The following BIRC6 variants were observed in gnomAD, a reference collection of about 807,000 sequenced individuals.
The protein encoded by BIRC6 is baculoviral IAP repeat containing 6, also known as dual E2 ubiquitin-conjugating enzyme/E3 ubiquitin-protein ligase BIRC6.
A neutral mutation model predicts 503.3 loss-of-function variants in BIRC6; 98 were observed. The observed-to-expected ratio is 0.19, with a 90% CI of 0.17 to 0.23. The LOEUF (loss-of-function observed/expected upper bound fraction) is 0.23. Among genes scored for constraint, BIRC6 ranks in the 10% least tolerant of loss-of-function variants. BIRC6 has a pLI of 1.00. For missense variants in BIRC6, 5,360 were observed against 5,806.0 expected, an observed-to-expected ratio of 0.92 and a Z score of 2.50; for synonymous variants, 2,240 against 2,078.7, an observed-to-expected ratio of 1.08 and a Z score of -2.11.
chr2:32,449,674 G>A (rs1370808016), intron 22 of BIRC6, among the ~76,000 whole-genome samples: 1 of 152,100 alleles, frequency 6.6e-6, no homozygotes. Flanking sequence ...CTTATGAGGT[G>A]TAATAAAAGC....
At chr2:32,372,059 C>T (rs1156278897) in intron 1 of BIRC6, among the ~76,000 whole-genome samples, 9 of 152,172 alleles carry the variant, frequency 5.9e-5, no homozygotes, top group Admixed American at 5.9e-4. Flanking sequence ...CCCGCCTCGG[C>T]CTCTTGAAGT....
intron 3 of BIRC6, among the ~76,000 whole-genome samples, chr2:32,384,807 G>A (rs541702706): frequency 3.3e-5 from 5 of 152,196 alleles, no homozygotes; most frequent in Non-Finnish European, 7.3e-5. Context: ...TGGAGTGCCC[G>A]TGGAGAGAGG....
chr2:32,477,278 T>C (rs1338547909), intron 34 of BIRC6, 90 bp from the exon 35 acceptor site: 1 of 1,324,156 alleles, frequency 7.6e-7, no homozygotes, highest in East Asian at 2.3e-5. Context: ...AGTTGTAATA[T>C]GGAGTGGATA....
intron 1 of BIRC6, among the ~76,000 whole-genome samples, chr2:32,375,574 A>G (rs987699576): frequency 2.0e-5 from 3 of 152,140 alleles, no homozygotes; most frequent in Non-Finnish European, 2.9e-5. Context: ...GGCATGAGCC[A>G]CCATGCCAGG....
intron 68 of BIRC6, 126 bp downstream of exon 68, chr2:32,595,270 A>G (rs866831565): frequency 1.7e-5 from 10 of 583,818 alleles, no homozygotes; most frequent in Middle Eastern, 9.5e-4. Context: ...TACTTCATAC[A>G]TATCAACATT....
intron 51 of BIRC6, among the ~76,000 whole-genome samples, chr2:32,508,806 C>T (rs749686182): frequency 6.6e-6 from 1 of 152,082 alleles, no homozygotes; most frequent in Non-Finnish European, 1.5e-5. Flanking sequence ...AATTTAAGGC[C>T]TGGCTCAGTG....
chr2:32,420,950 T>G lies in BIRC6; in HGVS notation c.2872+4787T>G, dbSNP rs1574083965. Among the ~76,000 whole-genome samples, 4 of 151,866 alleles carry G rather than the reference T, an allele frequency of 2.6e-5. 1 individual carries two copies. The South Asian group carries it at 8.3e-4, about 32-fold the overall frequency. ...TCTGTTTTATTGATTTTTTTTTTTT[T>G]TTTCAGAACAACCAGCTTCTGATTT... On this transcript the variant is annotated intron_variant, in intron 10 of 73. Coordinates refer to ENST00000421745, the MANE Select transcript of BIRC6 (RefSeq NM_016252.4).
chr2:32,411,978 C>T (rs1280952452), intron 9 of BIRC6, among the ~76,000 whole-genome samples: 2 of 152,120 alleles, frequency 1.3e-5, no homozygotes, highest in Admixed American at 6.6e-5. Context: ...CGGGGTTTTA[C>T]TGTGTTGCTG....
chr2:32,377,645 T>A lies in BIRC6; in HGVS notation c.383T>A (p.Phe128Tyr). The change falls in exon 2 of 74, where the codon TTT becomes TAT. Residue 128 changes from phenylalanine to tyrosine, a missense_variant. By Grantham distance (22) the Phe-to-Tyr change is conservative. Around this residue, in one of 16 missense-constraint regions of BIRC6, gnomAD observed 47 missense variants for 93.3 expected, o/e 0.50. Coordinates refer to ENST00000421745, the MANE Select transcript of BIRC6 (RefSeq NM_016252.4). ...ATCTCTGCTGTGGATAAAGTTATAT[T>A]TGTGGATGATTATGCAGTAGGGTGT... ...QYISAVDKVI[F>Y]VDDYAVGCRK... 6.2e-7 allele frequency: 1 copy of A among 1,613,456 alleles called. No homozygotes were observed. The highest frequency in any genetic ancestry group is 1.1e-5 in the South Asian group (1 of 91,018).
At chr2:32,615,021 G>A (rs1245237347) in intron 73 of BIRC6, among the ~76,000 whole-genome samples, 2 of 152,154 alleles carry the variant, frequency 1.3e-5, no homozygotes, top group Non-Finnish European at 2.9e-5. Flanking sequence ...CATTTACTCT[G>A]CTTCTGTAGA....
At chr2:32,616,352 G>A (rs2063236805) in intron 73 of BIRC6, among the ~76,000 whole-genome samples, 2 of 151,716 alleles carry the variant, frequency 1.3e-5, no homozygotes, top group Admixed American at 1.3e-4. Context: ...GAGATTAGGA[G>A]TTCGAGACCA....
intron 24 of BIRC6, among the ~76,000 whole-genome samples, chr2:32,463,986 G>A (rs1436712162): frequency 6.6e-6 from 1 of 152,156 alleles, no homozygotes; most frequent in Non-Finnish European, 1.5e-5. Flanking sequence ...TAGGTTGCAT[G>A]TTCCTTATGA....
intron 10 of BIRC6, among the ~76,000 whole-genome samples, chr2:32,418,839 T>C (rs2042646435): frequency 6.6e-6 from 1 of 152,154 alleles, no homozygotes; most frequent in Non-Finnish European, 1.5e-5. Context: ...TCCCAGCTAC[T>C]TGGGAGGCTG....
chr2:32,581,567 C>T (rs533164300), intron 66 of BIRC6, among the ~76,000 whole-genome samples: 2 of 152,194 alleles, frequency 1.3e-5, no homozygotes, highest in Non-Finnish European at 2.9e-5. Context: ...GAGGAAACTT[C>T]AAATTACCCC....
chr2:32,432,182 A>C (rs1001841785), intron 12 of BIRC6, among the ~76,000 whole-genome samples: 3 of 152,084 alleles, frequency 2.0e-5, no homozygotes, highest in Non-Finnish European at 4.4e-5. Context: ...TTGGGAAGCC[A>C]AGGCAGGTAA....
chr2:32,509,653 C>T (rs1320932610), intron 51 of BIRC6, 85 bp from the exon 52 acceptor site: 2 of 1,470,818 alleles, frequency 1.4e-6, no homozygotes, highest in Admixed American at 4.0e-5. Context: ...TGAAACACAA[C>T]ATGCTGATCT....
chr2:32,570,462 G>A (rs948150282), intron 65 of BIRC6, among the ~76,000 whole-genome samples: 4 of 151,962 alleles, frequency 2.6e-5, no homozygotes, highest in African/African-American at 9.7e-5. Flanking sequence ...GGGATTACGG[G>A]TGTGAGCTAC....
At chr2:32,508,311 T>C in intron 51 of BIRC6, 52 bp downstream of exon 51, 3 of 1,414,716 alleles carry the variant, frequency 2.1e-6, no homozygotes, top group Admixed American at 6.7e-5. Context: ...TTTGGCATGG[T>C]TGGGAGATAG....
At chr2:32,481,885 A>T (rs1349621313) in intron 38 of BIRC6, among the ~76,000 whole-genome samples, 1 of 152,238 alleles carries the variant, frequency 6.6e-6, no homozygotes, top group Non-Finnish European at 1.5e-5. Context: ...CTCATTATTC[A>T]GCATTTTCAA....
Sources: allele counts gnomAD v4.1 joint callset (sites outside exome capture counted in the v4.1 genomes callset), GRCh38; gene constraint gnomAD v4.1.1; regional missense constraint gnomAD v4.1.1; transcripts MANE v1.5; gene names NCBI Gene and HGNC (gene_info 2026-07-23, HGNC 2026-07-21).